MTUS2: variants seen among roughly 807,000 people sequenced by gnomAD.
MTUS2 encodes microtubule associated scaffold protein 2.
In MTUS2, 40 loss-of-function variants were observed where a neutral mutation model predicts 114.1. That is an observed-to-expected ratio of 0.35 (90% CI 0.27 to 0.46). The LOEUF is 0.46. Among genes scored for constraint, MTUS2 ranks in the 20% least tolerant of loss-of-function variants. MTUS2 has a pLI of 1.00. For synonymous variants in MTUS2, 688 were observed against 672.0 expected (o/e 1.02, Z -0.37); for missense variants, 1,679 against 1,705.4 (o/e 0.98, Z 0.27).
At chr13:29,179,322 TATG>T (rs1311254072) in intron 5 of MTUS2, among the ~76,000 whole-genome samples, 1 of 152,250 alleles carries the variant, frequency 6.6e-6, no homozygotes, top group African/African-American at 2.4e-5. Context: ...GTTAATATGG[TATG>T]ATCCAAAGGA....
At chr13:29,058,820 T>A (rs974680074) in intron 4 of MTUS2, among the ~76,000 whole-genome samples, 1 of 151,594 alleles carries the variant, frequency 6.6e-6, no homozygotes, top group Non-Finnish European at 1.5e-5. Flanking sequence ...GGTGTTTGGT[T>A]TTTTGTCCTT....
chr13:28,857,014 C>A (rs1014992451), intron 2 of MTUS2, among the ~76,000 whole-genome samples: 8 of 152,338 alleles, frequency 5.3e-5, no homozygotes, highest in Admixed American at 5.2e-4. Context: ...ACATTCACCC[C>A]AGACACTCTA....
intron 8 of MTUS2, among the ~76,000 whole-genome samples, chr13:29,410,967 A>G (rs1472567638): frequency 6.6e-6 from 1 of 151,964 alleles, no homozygotes; most frequent in Non-Finnish European, 1.5e-5. Flanking sequence ...GAGTAGCTGG[A>G]GTTACAGGCA....
intron 6 of MTUS2, among the ~76,000 whole-genome samples, chr13:29,319,722 G>T (rs1900172723): frequency 6.6e-6 from 1 of 152,148 alleles, no homozygotes. Flanking sequence ...GTCAGCAGGG[G>T]TGCTGTTCAA....
chr13:29,352,595 T>C (rs532412110), intron 7 of MTUS2, among the ~76,000 whole-genome samples: 8 of 152,348 alleles, frequency 5.3e-5, no homozygotes, highest in Non-Finnish European at 1.0e-4. Context: ...AAGTTTCATG[T>C]GAATGGAATC....
At position 29,026,000 on chromosome 13, in the gene MTUS2, C is replaced by CA; in HGVS notation, c.1303dup (p.Ser435LysfsTer8). 1 of 1,613,990 alleles carries CA rather than the reference C, an allele frequency of 6.2e-7. No homozygotes were observed. Among genetic ancestry groups the CA allele is most frequent in the Non-Finnish European group, 8.5e-7 (1 of 1,179,888 alleles). ...CATCCAGCAGCTTTTCACCAGGTGA[C>CA]AGTCATGTGGCTTTTATTCCTAATA... On this transcript the variant is annotated frameshift_variant, in exon 3 of 16. Transcript: ENST00000612955. LOFTEE classifies it high-confidence loss of function.
chr13:29,501,936 C>T (rs1566242242), intron 15 of MTUS2, among the ~76,000 whole-genome samples: 1 of 152,220 alleles, frequency 6.6e-6, no homozygotes, highest in Non-Finnish European at 1.5e-5. Context: ...ATCCCTCACA[C>T]CTATTCACAT....
chr13:29,464,999 G>A (rs2138811017), intron 9 of MTUS2, among the ~76,000 whole-genome samples: 1 of 152,346 alleles, frequency 6.6e-6, no homozygotes, highest in East Asian at 1.9e-4. Flanking sequence ...ACAGATTCAG[G>A]TGGACTTGGT....
intron 2 of MTUS2, among the ~76,000 whole-genome samples, chr13:28,870,465 A>AT (rs1555269128): frequency 6.6e-6 from 1 of 151,980 alleles, no homozygotes; most frequent in Non-Finnish European, 1.5e-5. Flanking sequence ...CTCTCCTATC[A>AT]TTTTTTCAGT....
At chr13:29,401,618 T>C (rs1482551669) in intron 8 of MTUS2, among the ~76,000 whole-genome samples, 2 of 152,156 alleles carry the variant, frequency 1.3e-5, no homozygotes, top group Non-Finnish European at 2.9e-5. Flanking sequence ...GCATCCCCCA[T>C]GGATTTGAAA....
At chr13:29,114,001 C>T (rs1890983421) in intron 5 of MTUS2, among the ~76,000 whole-genome samples, 1 of 152,116 alleles carries the variant, frequency 6.6e-6, no homozygotes, top group Non-Finnish European at 1.5e-5. Flanking sequence ...ATGTGTGACA[C>T]CTCCCCCTGT....
chr13:29,303,338 G>A (rs1377611665), intron 6 of MTUS2, among the ~76,000 whole-genome samples: 2 of 152,142 alleles, frequency 1.3e-5, no homozygotes, highest in South Asian at 2.1e-4. Flanking sequence ...TCAGAAGGTG[G>A]GTAATAAAAA....
intron 5 of MTUS2, among the ~76,000 whole-genome samples, chr13:29,241,096 C>T (rs535978349): frequency 5.2e-4 from 79 of 152,180 alleles, no homozygotes; most frequent in African/African-American, 1.9e-3. Flanking sequence ...CAAATACATA[C>T]TGCCCTAATG....
chr13:29,428,778 C>G, intron 8 of MTUS2: 1 of 1,610,298 alleles, frequency 6.2e-7, no homozygotes, highest in East Asian at 2.2e-5. Context: ...GCCGGTACCT[C>G]GGCTTAGGAG....
intron 5 of MTUS2, among the ~76,000 whole-genome samples, chr13:29,133,127 A>G (rs1185906647): frequency 1.3e-5 from 2 of 151,974 alleles, no homozygotes; most frequent in Non-Finnish European, 2.9e-5. Flanking sequence ...GAGGTTGAGC[A>G]TGTTTTCATA....
At chr13:29,497,933 GC>G (rs1330015420) in intron 13 of MTUS2, 4 of 168,244 alleles carry the variant, frequency 2.4e-5, no homozygotes, top group Non-Finnish European at 5.2e-5. Flanking sequence ...GTTATATCCT[GC>G]AGCACTACTC....
chr13:28,990,658 A>G (rs1160417689), intron 2 of MTUS2, among the ~76,000 whole-genome samples: 1 of 64,594 alleles, frequency 1.5e-5, no homozygotes, highest in Non-Finnish European at 3.1e-5. Flanking sequence ...AAATGGACCA[A>G]TCAACACTCT....
chr13:28,846,182 C>T (rs1176804085), intron 2 of MTUS2, among the ~76,000 whole-genome samples: 1 of 151,906 alleles, frequency 6.6e-6, no homozygotes, highest in Non-Finnish European at 1.5e-5. Flanking sequence ...CATAACTGCA[C>T]TGATCTGAAC....
intron 2 of MTUS2, among the ~76,000 whole-genome samples, chr13:28,960,920 CG>C (rs1566253792): frequency 1.3e-5 from 2 of 151,350 alleles, no homozygotes; most frequent in African/African-American, 2.4e-5. Context: ...TTGAAAAAAA[CG>C]AAAGTCTCCA....
Sources: gnomAD v4.1 joint callset for allele counts (sites outside exome capture counted in the v4.1 genomes callset) on GRCh38, gnomAD v4.1.1 for gene constraint, MANE v1.5 for transcripts, NCBI Gene and HGNC (gene_info 2026-07-23, HGNC 2026-07-21) for gene names.